LRMDA: variants seen among roughly 807,000 people sequenced by gnomAD.
LRMDA encodes the protein leucine rich melanocyte differentiation associated, also known as leucine-rich melanocyte differentiation-associated protein.
In LRMDA, 18 loss-of-function variants were observed where a neutral mutation model predicts 29.8. That is an observed-to-expected ratio of 0.60 (90% CI 0.42 to 0.90). The LOEUF is 0.90. LRMDA is among the 40% of genes least tolerant of loss of function. LRMDA has a pLI of 0.00. For missense variants in LRMDA, 273 were observed against 273.9 expected (o/e 1.00, Z 0.02); for synonymous variants, 125 against 109.4 (o/e 1.14, Z -0.89).
intron 5 of LRMDA, among the ~76,000 whole-genome samples, chr10:76,104,243 G>A (rs953630567): frequency 2.0e-5 from 3 of 152,108 alleles, no homozygotes; most frequent in Non-Finnish European, 2.9e-5. Flanking sequence ...AGACTCTCCA[G>A]GGACGGCACT....
intron 2 of LRMDA, among the ~76,000 whole-genome samples, chr10:75,988,367 C>A (rs572193258): frequency 6.6e-6 from 1 of 151,956 alleles, no homozygotes; most frequent in African/African-American, 2.4e-5. Flanking sequence ...AACAGGGGAC[C>A]CAGAGACAGG....
At position 76,499,420 on chromosome 10, in the gene LRMDA, A is replaced by G. The variant is rs1213710652; in HGVS notation, c.602-57789A>G. ...TCATCATATTATAGCCCATGTCAGT[A>G]CTTCAGTTCTTTTTAGAGATGAATA... On this transcript the variant is annotated intron_variant, in intron 6 of 6. Transcript: ENST00000611255. 2.6e-5 allele frequency among the ~76,000 whole-genome samples: 2 copies of G among 75,654 alleles called. 1 individual carries two copies. Among genetic ancestry groups the G allele is most frequent in the Non-Finnish European group, 8.8e-5 (2 of 22,732 alleles). 49.6% of individuals were successfully genotyped at this position (75,654 alleles called of 152,430 possible).
chr10:75,653,293 C>G (rs1841622211), intron 2 of LRMDA, among the ~76,000 whole-genome samples: 1 of 152,198 alleles, frequency 6.6e-6, no homozygotes, highest in African/African-American at 2.4e-5. Flanking sequence ...GCCCTCAATT[C>G]CTTTGCCTTG....
At chr10:75,621,808 T>C (rs907389642) in intron 2 of LRMDA, among the ~76,000 whole-genome samples, 1 of 152,184 alleles carries the variant, frequency 6.6e-6, no homozygotes, top group Non-Finnish European at 1.5e-5. Flanking sequence ...GGGACCCTGA[T>C]CTGATGTGGT....
chr10:76,061,262 A>G (rs976475897), intron 5 of LRMDA, among the ~76,000 whole-genome samples: 17 of 152,204 alleles, frequency 1.1e-4, no homozygotes, highest in Non-Finnish European at 2.5e-4. Context: ...TTAGCAAACT[A>G]ATGCAGGAAC....
chr10:76,543,554 G>A (rs942685400), intron 6 of LRMDA, among the ~76,000 whole-genome samples: 8 of 152,032 alleles, frequency 5.3e-5, no homozygotes, highest in Admixed American at 4.6e-4. Context: ...TGATTAATAG[G>A]ACTTCTGTCC....
At chr10:75,604,842 T>C (rs897426346) in intron 2 of LRMDA, among the ~76,000 whole-genome samples, 2 of 152,212 alleles carry the variant, frequency 1.3e-5, no homozygotes, top group Non-Finnish European at 2.9e-5. Context: ...AAAACTTCAC[T>C]AGTGCCAATG....
At chr10:76,471,981 G>A (rs1842622433) in intron 6 of LRMDA, among the ~76,000 whole-genome samples, 1 of 151,746 alleles carries the variant, frequency 6.6e-6, no homozygotes, top group African/African-American at 2.4e-5. Context: ...AATAATAGTT[G>A]TAGTGTTCAA....
intron 2 of LRMDA, among the ~76,000 whole-genome samples, chr10:75,464,409 A>G (rs1435913641): frequency 2.7e-4 from 41 of 152,260 alleles, no homozygotes; most frequent in South Asian, 2.1e-4. Flanking sequence ...GCACTAGTTT[A>G]TGTGTATGGT....
intron 2 of LRMDA, among the ~76,000 whole-genome samples, chr10:75,672,578 T>TACCCTACCCTA (rs1564536371): frequency 3.7e-5 from 1 of 27,316 alleles, no homozygotes; most frequent in African/African-American, 2.4e-4. Flanking sequence ...TCCCTTCCCT[T>TACCCTACCCTA]CCCTTCCCTG....
intron 2 of LRMDA, among the ~76,000 whole-genome samples, chr10:75,773,209 A>T (rs973829075): frequency 1.3e-5 from 2 of 152,198 alleles, no homozygotes; most frequent in Non-Finnish European, 2.9e-5. Context: ...ACAATTAAAA[A>T]TGTCTCCAGA....
At chr10:75,700,475 G>A (rs910831148) in intron 2 of LRMDA, among the ~76,000 whole-genome samples, 16 of 141,466 alleles carry the variant, frequency 1.1e-4, no homozygotes, top group African/African-American at 5.3e-5. Flanking sequence ...TCGCTCTGTC[G>A]CCTAGGCTGG....
At chr10:76,092,968 G>T (rs1026069628) in intron 5 of LRMDA, among the ~76,000 whole-genome samples, 1 of 152,172 alleles carries the variant, frequency 6.6e-6, no homozygotes, top group East Asian at 1.9e-4. Context: ...TATTTCTTTT[G>T]GTCCGTGGGC....
At chr10:76,477,266 C>G (rs1420415135) in intron 6 of LRMDA, among the ~76,000 whole-genome samples, 2 of 151,966 alleles carry the variant, frequency 1.3e-5, no homozygotes, top group Non-Finnish European at 2.9e-5. Context: ...AACAGACAAA[C>G]AGAGAGCCAA....
intron 2 of LRMDA, among the ~76,000 whole-genome samples, chr10:75,779,864 A>T (rs1843358598): frequency 6.6e-6 from 1 of 152,204 alleles, no homozygotes; most frequent in Non-Finnish European, 1.5e-5. Context: ...GGAACCTAAG[A>T]GTGTGACCTG....
chr10:75,618,554 T>C (rs1376195814), intron 2 of LRMDA, among the ~76,000 whole-genome samples: 2 of 147,336 alleles, frequency 1.4e-5, no homozygotes, highest in Non-Finnish European at 3.0e-5. Flanking sequence ...AATGTGGGGG[T>C]CAGGGGCACT....
chr10:76,326,673 G>A (rs1470432950), intron 6 of LRMDA, among the ~76,000 whole-genome samples: 1 of 152,180 alleles, frequency 6.6e-6, no homozygotes, highest in Non-Finnish European at 1.5e-5. Context: ...TAGTTCATGT[G>A]CAAATTGCTA....
chr10:75,906,073 C>G (rs1359681427), intron 2 of LRMDA, among the ~76,000 whole-genome samples: 2 of 151,488 alleles, frequency 1.3e-5, no homozygotes, highest in Non-Finnish European at 2.9e-5. Flanking sequence ...CCAGCTCCAC[C>G]CCTGCCACAG....
intron 5 of LRMDA, among the ~76,000 whole-genome samples, chr10:76,238,025 A>T (rs2132280451): frequency 6.6e-6 from 1 of 152,126 alleles, no homozygotes; most frequent in Non-Finnish European, 1.5e-5. Flanking sequence ...TCCTGACCTC[A>T]GGTGATCCAC....
Sources: allele counts gnomAD v4.1 joint callset (sites outside exome capture counted in the v4.1 genomes callset), GRCh38; gene constraint gnomAD v4.1.1; transcripts MANE v1.5; gene names NCBI Gene and HGNC (gene_info 2026-07-23, HGNC 2026-07-21).